TEK: variants seen among roughly 807,000 people sequenced by gnomAD.
The protein encoded by TEK is angiopoietin-1 receptor.
Under a neutral mutation model 131.8 loss-of-function variants are expected in TEK, and 43 were observed. That is an observed-to-expected ratio of 0.33 (90% CI 0.26 to 0.42). The LOEUF (loss-of-function observed/expected upper bound fraction) is 0.42. Among genes scored for constraint, TEK ranks in the 10% least tolerant of loss-of-function variants. The probability of loss-of-function intolerance (pLI) is 1.00; values close to 1 mark genes in which losing one functional copy is unlikely to be tolerated. For missense variants in TEK, 1,162 were observed against 1,384.4 expected (o/e 0.84, Z 2.55); for synonymous variants, 580 against 491.6 (o/e 1.18, Z -2.38).
intron 1 of TEK, among the ~76,000 whole-genome samples, chr9:27,148,779 CAACGACTT>C (rs1375874833): frequency 1.3e-5 from 2 of 152,196 alleles, no homozygotes; most frequent in African/African-American, 4.8e-5. Flanking sequence ...GCTATTGGTT[CAACGACTT>C]ATGAAATTTC....
At position 27,220,065 on chromosome 9, in the gene TEK, C is replaced by T. The variant is rs147198662; in HGVS notation, c.3120C>T (p.Cys1040=). ...GTCTTCCAGGAGGCACACCCTACTG[C>T]GGGATGACTTGTGCAGAACTCTACG... ...EIVSLGGTPY[C]GMTCAELYEK... is the part of the protein sequence containing the mutation. Residue 1040 remains cysteine, a synonymous_variant, in exon 21 of 23, where the codon TGC becomes TGT. Transcript: ENST00000380036. 13 of 1,613,890 alleles carry T rather than the reference C, an allele frequency of 8.1e-6. No homozygotes were observed. The highest frequency in any genetic ancestry group is 2.2e-5 in the East Asian group (1 of 44,894).
chr9:27,120,411 A>G (rs757377269), intron 1 of TEK, among the ~76,000 whole-genome samples: 1 of 152,242 alleles, frequency 6.6e-6, no homozygotes, highest in African/African-American at 2.4e-5. Flanking sequence ...ACCTCCTCGC[A>G]TGGATTAGGG....
chr9:27,215,299 G>T (rs1349125400), intron 18 of TEK, among the ~76,000 whole-genome samples: 3 of 145,364 alleles, frequency 2.1e-5, no homozygotes, highest in Non-Finnish European at 4.6e-5. Context: ...CTTGGGGCTG[G>T]GGAGGAAAGG....
intron 1 of TEK, among the ~76,000 whole-genome samples, chr9:27,122,856 A>G (rs1460949972): frequency 6.6e-6 from 1 of 151,848 alleles, no homozygotes; most frequent in Non-Finnish European, 1.5e-5. Flanking sequence ...GATCGAGACC[A>G]TCCTGGCTAA....
In TEK at chr9:27,142,582, A is replaced by G. The variant is rs141061842; in HGVS notation, c.53-15249A>G. On this transcript the variant is annotated intron_variant, in intron 1 of 22. Coordinates refer to ENST00000380036, the MANE Select transcript of TEK (RefSeq NM_000459.5). Reference sequence around the variant, plus strand: ...GAATGGGAAATGAGATCCAAGAGAAATCTGCTATTTTAGATTCATAGTCTT... The same window carrying G: ...GAATGGGAAATGAGATCCAAGAGAAGTCTGCTATTTTAGATTCATAGTCTT... Among the ~76,000 whole-genome samples, 149 of 152,358 alleles carry G rather than the reference A, an allele frequency of 9.8e-4. 2 individuals are homozygous for G. In the East Asian group the frequency reaches 0.028, roughly 28 times the overall value.
intron 1 of TEK, among the ~76,000 whole-genome samples, chr9:27,155,526 T>A (rs1823300171): frequency 1.3e-5 from 2 of 152,240 alleles, no homozygotes; most frequent in African/African-American, 2.4e-5. Context: ...GTTTAATTTG[T>A]ACCAAGATTA....
rs1381523788 is a variant in TEK at position 27,168,422 on chromosome 9, G to A, written c.365-73G>A. On this transcript the variant is annotated intron_variant, in intron 2 of 22. Transcript: ENST00000380036. ...GCAAGTGCCAGCCCTCATTTTCTGA[G>A]TCTCAAAGCTCAATTGCTCCTGGAG... is the stretch of plus-strand genomic sequence containing the variant. 4.2e-6 allele frequency: 5 copies of A among 1,194,904 alleles called. No homozygotes were observed. In the East Asian group the frequency reaches 9.5e-5, roughly 23 times the overall value. The allele number at this position is 1,194,904 out of a possible 1,614,324, so 74.0% of individuals were successfully genotyped here. A position where few individuals can be genotyped will look rare whatever the true frequency, so the allele number is the denominator to read the frequency against.
In TEK at chr9:27,109,764, A is replaced by G. The variant is rs1195460763; in HGVS notation, c.52+122A>G. 1.3e-5 allele frequency: 12 copies of G among 931,600 alleles called. No homozygotes were observed. In the East Asian group the frequency reaches 2.3e-4, roughly 18 times the overall value. 57.7% of individuals were successfully genotyped at this position (931,600 alleles called of 1,614,324 possible). Reference sequence around the variant, plus strand: ...AAGGGGTGGCTGTAGCAAAGGCACCATTTCTCTGTGAGTCTCCAGTCAATA... The same window carrying G: ...AAGGGGTGGCTGTAGCAAAGGCACCGTTTCTCTGTGAGTCTCCAGTCAATA... On this transcript the variant is annotated intron_variant, in intron 1 of 22. Transcript: ENST00000380036.
At chr9:27,181,196 C>A (rs887892224) in intron 7 of TEK, among the ~76,000 whole-genome samples, 1 of 152,134 alleles carries the variant, frequency 6.6e-6, no homozygotes, top group Non-Finnish European at 1.5e-5. Context: ...CTTCTGTTGA[C>A]GAGAAGCCTT....
intron 7 of TEK, among the ~76,000 whole-genome samples, chr9:27,182,184 A>C (rs1804145111): frequency 2.0e-5 from 3 of 152,136 alleles, no homozygotes. Flanking sequence ...ATGCTGCAAA[A>C]GGAGTGCATT....
intron 12 of TEK, among the ~76,000 whole-genome samples, chr9:27,201,007 T>C (rs576892533): frequency 1.4e-3 from 208 of 152,328 alleles, no homozygotes; most frequent in African/African-American, 4.8e-3. Context: ...CTTGTCTCTT[T>C]GGATGGGCGA....
intron 1 of TEK, among the ~76,000 whole-genome samples, chr9:27,137,527 C>T (rs966990224): frequency 1.3e-5 from 2 of 151,936 alleles, no homozygotes; most frequent in African/African-American, 2.4e-5. Context: ...AACCAGCTGG[C>T]CCTATGGATT....
chr9:27,131,747 C>T (rs552997577), intron 1 of TEK, among the ~76,000 whole-genome samples: 25 of 148,994 alleles, frequency 1.7e-4, no homozygotes, highest in African/African-American at 6.3e-4. Flanking sequence ...GTAGAGGCTT[C>T]AGTGAGCCAT....
At chr9:27,219,232 G>A (rs1017687388) in intron 20 of TEK, among the ~76,000 whole-genome samples, 4 of 152,164 alleles carry the variant, frequency 2.6e-5, no homozygotes, top group East Asian at 1.9e-4. Flanking sequence ...GCACTACACA[G>A]AAAGGTAATA....
At chr9:27,130,236 A>C (rs75665804) in intron 1 of TEK, among the ~76,000 whole-genome samples, 3 of 152,336 alleles carry the variant, frequency 2.0e-5, no homozygotes, top group East Asian at 3.9e-4. Flanking sequence ...CCAGAACCAG[A>C]CTTGAGTTTA....
At chr9:27,160,018 T>C (rs904023691) in intron 2 of TEK, among the ~76,000 whole-genome samples, 1 of 107,540 alleles carries the variant, frequency 9.3e-6, no homozygotes, top group East Asian at 2.5e-4. Flanking sequence ...GGGTTTTTTT[T>C]TTTTTTTTTT....
At chr9:27,156,956 T>G (rs1823353252) in intron 1 of TEK, among the ~76,000 whole-genome samples, 1 of 151,390 alleles carries the variant, frequency 6.6e-6, no homozygotes, top group Non-Finnish European at 1.5e-5. Flanking sequence ...TATCTGCTCA[T>G]GTTAGAACCT....
intron 1 of TEK, among the ~76,000 whole-genome samples, chr9:27,142,784 G>A (rs1406535248): frequency 2.6e-5 from 4 of 152,200 alleles, no homozygotes; most frequent in Non-Finnish European, 5.9e-5. Context: ...ATCTCCTTTA[G>A]TCATCGCTGT....
Position 27,202,910 on chromosome 9 carries a change from T to C in TEK, c.2000T>C (p.Ile667Thr). Residue 667 changes from isoleucine to threonine, a missense_variant, in exon 13 of 23, where the codon ATT (isoleucine) becomes ACT (threonine). Around this residue, in one of 6 missense-constraint regions of TEK, gnomAD observed 477 missense variants for 471.0 expected, o/e 1.01. Coordinates refer to ENST00000380036, the MANE Select transcript of TEK (RefSeq NM_000459.5). ...ISWTILDGYS[I>T]SSITIRYKVQ... ...TGGACAATATTGGATGGCTATTCTATTTCTTCTATTACTATCCGTTACAAG... is the reference window on the plus strand; with the variant it reads ...TGGACAATATTGGATGGCTATTCTACTTCTTCTATTACTATCCGTTACAAG... The C allele has an allele frequency of 6.2e-7, 1 of 1,614,202 alleles. No individual in the cohort carries two copies. Among genetic ancestry groups the C allele is most frequent in the Non-Finnish European group, 8.5e-7 (1 of 1,180,014 alleles).
Sources: allele counts gnomAD v4.1 joint callset (sites outside exome capture counted in the v4.1 genomes callset), GRCh38; gene constraint gnomAD v4.1.1; regional missense constraint gnomAD v4.1.1; transcripts MANE v1.5; gene names NCBI Gene and HGNC (gene_info 2026-07-23, HGNC 2026-07-21).